Variants in PLLP observed in about 807,000 individuals in gnomAD.
The protein encoded by PLLP is plasma membrane proteolipid (plasmolipin).
A neutral mutation model predicts 19.7 loss-of-function variants in PLLP; 15 were observed. The ratio of observed to expected loss-of-function variants is 0.76; its 90% CI spans 0.51 to 1.17. The LOEUF is 1.17. Among genes scored for constraint, PLLP ranks in the 50% most tolerant of loss-of-function variants. The pLI, the probability that PLLP is intolerant of heterozygous loss-of-function variation, is 0.00. For missense variants in PLLP, 255 were observed against 258.3 expected, an observed-to-expected ratio of 0.99 and a Z score of 0.09; for synonymous variants, 111 against 116.3, an observed-to-expected ratio of 0.95 and a Z score of 0.29.
chr16:57,265,750 G>A (rs1167261049), intron 1 of PLLP, among the ~76,000 whole-genome samples: 10 of 152,212 alleles, frequency 6.6e-5, no homozygotes, highest in Admixed American at 1.3e-4. Flanking sequence ...GCAGGAGGCC[G>A]GGTGCAGTGG....
At chr16:57,263,953 G>A (rs1015668143) in intron 1 of PLLP, among the ~76,000 whole-genome samples, 15 of 152,186 alleles carry the variant, frequency 9.9e-5, no homozygotes, top group African/African-American at 3.6e-4. Flanking sequence ...AAGTCAGTGG[G>A]ATCAGAGAAG....
chr16:57,260,449 CA>C (rs1490838954), intron 2 of PLLP, among the ~76,000 whole-genome samples: 17 of 152,258 alleles, frequency 1.1e-4, no homozygotes, highest in African/African-American at 2.9e-4. Flanking sequence ...CTCCTCGCCC[CA>C]AAATCTTCCC....
intron 2 of PLLP, among the ~76,000 whole-genome samples, chr16:57,259,408 G>A (rs559688062): frequency 6.6e-6 from 1 of 152,194 alleles, no homozygotes; most frequent in Non-Finnish European, 1.5e-5. Flanking sequence ...CACATCCTAA[G>A]CTCAAGGCTC....
chr16:57,274,121 G>A (rs1241883022), intron 1 of PLLP, among the ~76,000 whole-genome samples: 3 of 152,006 alleles, frequency 2.0e-5, no homozygotes, highest in East Asian at 3.9e-4. Flanking sequence ...CCAAGAGCTG[G>A]GACAGGCGCA....
Position 57,258,477 on chromosome 16 carries a change from C to T in PLLP, c.417G>A (p.Gln139=), listed in dbSNP as rs1216368405. 6.2e-7 allele frequency: 1 copy of T among 1,611,762 alleles called. No individual in the cohort carries two copies. Among genetic ancestry groups the T allele is most frequent in the African/African-American group, 1.3e-5 (1 of 74,908 alleles). Residue 139 remains glutamine (Q), a synonymous_variant, in exon 3 of 4, where the codon CAG becomes CAA. Coordinates refer to ENST00000219207, the MANE Select transcript of PLLP (RefSeq NM_015993.3). The stretch of plus-strand genomic sequence containing the variant: ...GCAGACTCACCGAGGCAGCCGCGCG[C>T]TGGTTATAAGGCCGGGTGCCCCTCA... ...TSLRGTRPYN[Q]RAAASFFACL...
chr16:57,282,939 T>C (rs1034208843), intron 1 of PLLP, among the ~76,000 whole-genome samples: 13 of 152,106 alleles, frequency 8.5e-5, no homozygotes, highest in Admixed American at 5.2e-4. Context: ...GGCTCTCCCC[T>C]GGGCAGCCAG....
chr16:57,283,668 G>A (rs1901245885), intron 1 of PLLP, among the ~76,000 whole-genome samples: 1 of 152,150 alleles, frequency 6.6e-6, no homozygotes, highest in Non-Finnish European at 1.5e-5. Context: ...CCTCAGTTGG[G>A]GTCTGTACAG....
Position 57,280,489 on chromosome 16 carries a change from CT to C in PLLP, c.135+3916del, listed in dbSNP as rs572329872. On this transcript the variant is annotated intron_variant, in intron 1 of 3. Coordinates refer to ENST00000219207, the MANE Select transcript of PLLP (RefSeq NM_015993.3). ...ACACAAAAATCTGTAGCACTGATGC[CT>C]TTTTTTTTTAAAACCAAAAGAGTTA... 1.7e-4 allele frequency among the ~76,000 whole-genome samples: 25 copies of C among 150,980 alleles called. No individual in the cohort carries two copies. In the South Asian group the frequency reaches 2.7e-3, roughly 16 times the overall value.
chr16:57,271,578 G>C (rs1417015064), intron 1 of PLLP, among the ~76,000 whole-genome samples: 1 of 152,022 alleles, frequency 6.6e-6, no homozygotes, highest in African/African-American at 2.4e-5. Context: ...CTGGAAGGCA[G>C]AGGTTACAGT....
chr16:57,275,947 C>T (rs1171308017), intron 1 of PLLP, among the ~76,000 whole-genome samples: 1 of 152,180 alleles, frequency 6.6e-6, no homozygotes, highest in East Asian at 1.9e-4. Context: ...GAGACCATGT[C>T]TCTACCAAAA....
At chr16:57,266,013 C>A (rs1310716626) in intron 1 of PLLP, among the ~76,000 whole-genome samples, 6 of 152,198 alleles carry the variant, frequency 3.9e-5, no homozygotes, top group East Asian at 1.9e-4. Flanking sequence ...GTGACAGAGA[C>A]CCTGTCTCAA....
intron 1 of PLLP, among the ~76,000 whole-genome samples, chr16:57,274,165 T>C (rs1789888324): frequency 6.6e-6 from 1 of 152,130 alleles, no homozygotes; most frequent in African/African-American, 2.4e-5. Flanking sequence ...TAAATTTGTA[T>C]AGAGACAAGG....
At position 57,262,033 on chromosome 16, in the gene PLLP, G is replaced by C; in HGVS notation, c.173C>G (p.Thr58Ser). The C allele has an allele frequency of 6.2e-7, 1 of 1,614,234 alleles. No homozygotes were observed. The highest frequency in any genetic ancestry group is 8.5e-7 in the Non-Finnish European group (1 of 1,180,038). The change falls in exon 2 of 4, where the codon ACC (threonine) becomes AGC (serine). Residue 58 changes from threonine to serine, a missense_variant. Physicochemically the swap from Thr to Ser is moderately conservative, Grantham distance 58. Transcript: ENST00000219207. ...GLLVWALIAD[T>S]PYHLYPAYGW... ...ATAGGCCGGATACAGGTGGTACGGG[G>C]TGTCCGCAATCAGCGCCCACACCAG...
intron 1 of PLLP, among the ~76,000 whole-genome samples, chr16:57,271,871 G>C (rs963566790): frequency 5.9e-5 from 9 of 151,934 alleles, no homozygotes; most frequent in Admixed American, 6.6e-5. Context: ...TGGGATCTCA[G>C]AAACTCAGAG....
chr16:57,278,153 A>G (rs1901176154), intron 1 of PLLP, among the ~76,000 whole-genome samples: 1 of 152,152 alleles, frequency 6.6e-6, no homozygotes, highest in Non-Finnish European at 1.5e-5. Context: ...CAGCCTGGCC[A>G]ACATGGTGAA....
At chr16:57,273,444 C>G (rs1901104855) in intron 1 of PLLP, among the ~76,000 whole-genome samples, 1 of 152,172 alleles carries the variant, frequency 6.6e-6, no homozygotes, top group African/African-American at 2.4e-5. Context: ...TGACCTGTCT[C>G]CCTGCCTGCA....
At chr16:57,258,120 A>G (rs1014826646) in intron 3 of PLLP, among the ~76,000 whole-genome samples, 1 of 152,200 alleles carries the variant, frequency 6.6e-6, no homozygotes, top group African/African-American at 2.4e-5. Context: ...AGTCCCAGCT[A>G]CTTGGGAGGC....
At position 57,284,436 on chromosome 16, in the gene PLLP, G is replaced by T; in HGVS notation, c.105C>A (p.Ser35=). ...GCAGCAGCATGAGCGCCCCGAGGCG[G>T]GAGCGCACGAAGCCCAGGTCCGGGC... ...ALRPDLGFVR[S]RLGALMLLQL... is the part of the protein sequence containing the mutation. Residue 35 remains serine, a synonymous_variant, in exon 1 of 4, where the codon TCC becomes TCA. Coordinates refer to ENST00000219207, the MANE Select transcript of PLLP (RefSeq NM_015993.3). 7.1e-7 allele frequency: 1 copy of T among 1,406,216 alleles called. No individual in the cohort carries two copies. 87.1% of individuals were successfully genotyped at this position (1,406,216 alleles called of 1,614,324 possible).
chr16:57,270,649 G>C (rs1430559381), intron 1 of PLLP, among the ~76,000 whole-genome samples: 1 of 152,112 alleles, frequency 6.6e-6, no homozygotes, highest in Admixed American at 6.5e-5. Context: ...GAGACAAAGG[G>C]GCAGGGGACA....
Sources: gnomAD v4.1 joint callset for allele counts (sites outside exome capture counted in the v4.1 genomes callset) on GRCh38, gnomAD v4.1.1 for gene constraint, MANE v1.5 for transcripts, NCBI Gene and HGNC (gene_info 2026-07-23, HGNC 2026-07-21) for gene names.